The following MAP4K3 variants were observed in gnomAD, a reference collection of about 807,000 sequenced individuals.
The protein encoded by MAP4K3 is mitogen-activated protein kinase kinase kinase kinase 3.
Under a neutral mutation model 143.5 loss-of-function variants are expected in MAP4K3, and 94 were observed. That is an observed-to-expected ratio of 0.65 (90% CI 0.55 to 0.78). The LOEUF (loss-of-function observed/expected upper bound fraction) is 0.78. Among genes scored for constraint, MAP4K3 ranks in the 30% least tolerant of loss-of-function variants. The probability of loss-of-function intolerance (pLI) is 0.00; values close to 1 mark genes in which losing one functional copy is unlikely to be tolerated. For missense variants in MAP4K3, 1,077 were observed against 1,068.1 expected, an observed-to-expected ratio of 1.01 and a Z score of -0.12; for synonymous variants, 416 against 347.2, an observed-to-expected ratio of 1.20 and a Z score of -2.20.
At position 39,391,298 on chromosome 2, in the gene MAP4K3, G is replaced by A. The variant is rs545771932; in HGVS notation, c.97-13175C>T. ...GGCGTGAACCCAGGCGGCAGAGCTT[G>A]CAGTGAGCCGAGATTGTGCCACTGC... On this transcript the variant is annotated intron_variant, in intron 1 of 33. Transcript: ENST00000263881. Among the ~76,000 whole-genome samples the A allele has an allele frequency of 1.2e-4, 17 of 136,728 alleles. No individual in the cohort carries two copies. In the East Asian group the frequency reaches 2.7e-3, roughly 22 times the overall value. The allele number at this position is 136,728 out of a possible 152,430, so 89.7% of individuals were successfully genotyped here. A position where few individuals can be genotyped will look rare whatever the true frequency, so the allele number is the denominator to read the frequency against.
intron 16 of MAP4K3, chr2:39,294,282 CAATTAACAGA>C (rs1404452270): frequency 1.3e-5 from 2 of 152,084 alleles, no homozygotes; most frequent in Non-Finnish European, 2.9e-5. Flanking sequence ...CTACTGTAAG[CAATTAACAGA>C]ATAGGTTTTA....
intron 1 of MAP4K3, among the ~76,000 whole-genome samples, chr2:39,419,087 T>A (rs1450813585): frequency 2.0e-5 from 3 of 152,202 alleles, no homozygotes; most frequent in Non-Finnish European, 2.9e-5. Context: ...ATAAAGTTTA[T>A]TTTTTAAAAA....
intron 12 of MAP4K3, 26 bp from the exon 13 acceptor site, chr2:39,315,414 T>C: frequency 4.8e-6 from 7 of 1,444,330 alleles, no homozygotes; most frequent in Non-Finnish European, 5.8e-6. Context: ...ATCAATGATA[T>C]GCAGCATTTG....
Position 39,288,222 on chromosome 2 carries a change from G to A in MAP4K3, c.1373C>T (p.Thr458Ile), listed in dbSNP as rs751614569. ...CCCTGACATGGGACATCTCTTGATT[G>A]TTCCTTGATTTTCATCCTCAGTAGA... ...MHSTEDENQG[T>I]IKRCPMSGSP... Residue 458 changes from threonine (T) to isoleucine (I), a missense_variant, in exon 20 of 34, where the codon ACA (threonine) becomes ATA (isoleucine). Around this residue, in one of 2 missense-constraint regions of MAP4K3, gnomAD observed 864 missense variants for 801.2 expected, o/e 1.08. Transcript: ENST00000263881. The A allele has an allele frequency of 1.1e-5, 18 of 1,613,990 alleles. No individual in the cohort carries two copies. The highest frequency in any genetic ancestry group is 1.5e-5 in the Non-Finnish European group (18 of 1,179,950).
intron 2 of MAP4K3, among the ~76,000 whole-genome samples, chr2:39,363,850 A>G (rs535864466): frequency 1.1e-4 from 16 of 151,844 alleles, no homozygotes; most frequent in Admixed American, 9.2e-4. Flanking sequence ...TTTTAAGAGC[A>G]AAGGACTTGA....
chr2:39,286,636 A>G (rs756771564), intron 21 of MAP4K3, among the ~76,000 whole-genome samples: 13 of 152,238 alleles, frequency 8.5e-5, no homozygotes, highest in South Asian at 2.1e-4. Flanking sequence ...TAAATAATGT[A>G]AACGATAAAA....
intron 15 of MAP4K3, among the ~76,000 whole-genome samples, chr2:39,303,643 A>G (rs1416781828): frequency 2.0e-5 from 3 of 152,084 alleles, no homozygotes; most frequent in Non-Finnish European, 2.9e-5. Context: ...GGTTCAAGAG[A>G]TTCTCCTGCC....
At chr2:39,318,311 A>G (rs1287574574) in intron 12 of MAP4K3, among the ~76,000 whole-genome samples, 1 of 152,134 alleles carries the variant, frequency 6.6e-6, no homozygotes, top group Non-Finnish European at 1.5e-5. Flanking sequence ...CTGGGTGACA[A>G]AAGAATATGT....
At chr2:39,345,212 AAAAC>A (rs1442887356) in intron 3 of MAP4K3, among the ~76,000 whole-genome samples, 1 of 152,038 alleles carries the variant, frequency 6.6e-6, no homozygotes, top group Non-Finnish European at 1.5e-5. Flanking sequence ...CATCTCTTAA[AAAAC>A]AAACAAAAAA....
At chr2:39,314,946 G>C (rs1257049605) in intron 13 of MAP4K3, among the ~76,000 whole-genome samples, 1 of 152,176 alleles carries the variant, frequency 6.6e-6, no homozygotes, top group Admixed American at 6.5e-5. Flanking sequence ...TGACGTGGGA[G>C]CTTGTTAGTA....
At chr2:39,378,253 T>C (rs1476824796) in intron 1 of MAP4K3, 130 bp from the exon 2 acceptor site, 2 of 580,374 alleles carry the variant, frequency 3.4e-6, no homozygotes, top group Non-Finnish European at 6.1e-6. Flanking sequence ...AATTTATATT[T>C]ACAAAACAAA....
intron 24 of MAP4K3, 57 bp from the exon 25 acceptor site, chr2:39,272,599 C>T: frequency 1.5e-6 from 2 of 1,364,374 alleles, no homozygotes; most frequent in Non-Finnish European, 2.1e-6. Flanking sequence ...CAATGTAAAT[C>T]TGTACACAGT....
intron 1 of MAP4K3, among the ~76,000 whole-genome samples, chr2:39,431,538 T>C (rs1665289847): frequency 6.6e-6 from 1 of 152,058 alleles, no homozygotes. Flanking sequence ...GTGCTGTTTT[T>C]TGTAGGGTGG....
chr2:39,399,205 T>C (rs1256986371), intron 1 of MAP4K3, among the ~76,000 whole-genome samples: 1 of 152,214 alleles, frequency 6.6e-6, no homozygotes, highest in Admixed American at 6.5e-5. Context: ...AAAGCCACAT[T>C]GTTTACCTTG....
chr2:39,281,200 G>A (rs989425096), intron 22 of MAP4K3, among the ~76,000 whole-genome samples: 1 of 152,132 alleles, frequency 6.6e-6, no homozygotes. Flanking sequence ...TAAAAGAACA[G>A]CATTTGTGCA....
At chr2:39,266,639 C>T (rs1409020623) in intron 27 of MAP4K3, among the ~76,000 whole-genome samples, 8 of 152,110 alleles carry the variant, frequency 5.3e-5, no homozygotes, top group Non-Finnish European at 1.2e-4. Flanking sequence ...GAGTCCTTTC[C>T]ACACTATACT....
At chr2:39,376,746 G>A (rs1666228934) in intron 2 of MAP4K3, among the ~76,000 whole-genome samples, 2 of 152,140 alleles carry the variant, frequency 1.3e-5, no homozygotes, top group African/African-American at 4.8e-5. Context: ...GGTTTCTTGA[G>A]GGAATGATGT....
chr2:39,408,479 A>G (rs1455633999), intron 1 of MAP4K3, among the ~76,000 whole-genome samples: 1 of 152,234 alleles, frequency 6.6e-6, no homozygotes, highest in African/African-American at 2.4e-5. Context: ...GAAGAATTTC[A>G]TCATTGAAGA....
intron 1 of MAP4K3, among the ~76,000 whole-genome samples, chr2:39,397,082 C>G (rs941723373): frequency 6.6e-5 from 10 of 152,108 alleles, no homozygotes; most frequent in Admixed American, 6.6e-4. Context: ...CTTGAAATTT[C>G]AAGTCAAAAT....
Sources: gnomAD v4.1 joint callset for allele counts (sites outside exome capture counted in the v4.1 genomes callset) on GRCh38, gnomAD v4.1.1 for gene constraint, gnomAD v4.1.1 regional missense constraint, MANE v1.5 for transcripts, NCBI Gene and HGNC (gene_info 2026-07-23, HGNC 2026-07-21) for gene names.